GGACT: variants seen among roughly 807,000 people sequenced by gnomAD.
GGACT encodes gamma-glutamylamine cyclotransferase, also known as gamma-glutamylaminecyclotransferase.
For synonymous variants in GGACT, 118 were observed against 115.3 expected (o/e 1.02, Z -0.15); for missense variants, 241 against 233.2 (o/e 1.03, Z -0.22).
At chr13:100,579,011 C>T (rs1875333917) in intron 2 of GGACT, 1 of 152,160 alleles carries the variant, frequency 6.6e-6, no homozygotes, top group Non-Finnish European at 1.5e-5. Flanking sequence ...AGTATTCCCG[C>T]ATATACTCTT....
intron 2 of GGACT, chr13:100,538,567 T>C (rs1057181884): frequency 6.6e-6 from 1 of 152,230 alleles, no homozygotes; most frequent in Non-Finnish European, 1.5e-5. Flanking sequence ...TGAAACTTTG[T>C]ACCCATTAAA....
chr13:100,544,353 CG>C lies in GGACT; in HGVS notation c.-10-11753del, dbSNP rs1195496628. Among the ~76,000 whole-genome samples, 5 of 152,222 alleles carry C rather than the reference CG, an allele frequency of 3.3e-5. 1 individual carries two copies. The highest frequency in any genetic ancestry group is 3.3e-4 in the Admixed American group (5 of 15,284). On this transcript the variant is annotated intron_variant, in intron 2 of 2. Coordinates refer to ENST00000683975, the MANE Select transcript of GGACT (RefSeq NM_001195087.2). Reference sequence around the variant, plus strand: ...TAAGGTCACTCTTCCCCGCGCGGCTCGGGGCAACGTGCCAGGGAGGGCTCGG... The same window carrying C: ...TAAGGTCACTCTTCCCCGCGCGGCTCGGGCAACGTGCCAGGGAGGGCTCGG...
chr13:100,550,417 TACACACACACAC>T (rs61669253), intron 2 of GGACT, among the ~76,000 whole-genome samples: 47 of 72,496 alleles, frequency 6.5e-4, no homozygotes, highest in African/African-American at 1.7e-3. Flanking sequence ...GATTATACTC[TACACACACACAC>T]ACACACACAC....
intron 2 of GGACT, among the ~76,000 whole-genome samples, chr13:100,544,225 C>T (rs1001921015): frequency 2.0e-5 from 3 of 152,214 alleles, no homozygotes; most frequent in African/African-American, 7.2e-5. Context: ...TATAGTTACA[C>T]ATTAATTCTT....
At chr13:100,576,215 A>T (rs1201751297) in intron 2 of GGACT, among the ~76,000 whole-genome samples, 1 of 152,204 alleles carries the variant, frequency 6.6e-6, no homozygotes, top group African/African-American at 2.4e-5. Context: ...TTAAAAACAA[A>T]TTTTTGTAAT....
At chr13:100,539,722 T>G in intron 2 of GGACT, 1 of 608,214 alleles carries the variant, frequency 1.6e-6, no homozygotes. Context: ...GAAATGTTCC[T>G]TCTTCTTCAT....
chr13:100,570,416 AG>A (rs959098196), intron 2 of GGACT, among the ~76,000 whole-genome samples: 3 of 152,202 alleles, frequency 2.0e-5, no homozygotes, highest in Non-Finnish European at 4.4e-5. Flanking sequence ...TGCCCCATGA[AG>A]GGGGAAGCCC....
chr13:100,553,478 C>T (rs560590524), intron 2 of GGACT, among the ~76,000 whole-genome samples: 8 of 152,276 alleles, frequency 5.3e-5, no homozygotes, highest in Non-Finnish European at 1.0e-4. Context: ...AACACGATGG[C>T]ATTCACCATG....
chr13:100,568,190 C>T (rs764053074), intron 2 of GGACT, among the ~76,000 whole-genome samples: 4 of 152,240 alleles, frequency 2.6e-5, no homozygotes, highest in Admixed American at 1.3e-4. Flanking sequence ...ACCAATCCCA[C>T]TTTTTATATT....
chr13:100,553,002 G>A (rs2088679175), intron 2 of GGACT, among the ~76,000 whole-genome samples: 1 of 152,098 alleles, frequency 6.6e-6, no homozygotes, highest in Admixed American at 6.5e-5. Flanking sequence ...GGAGGGGAGG[G>A]GGACCTGAGC....
At chr13:100,567,511 C>T (rs574238400) in intron 2 of GGACT, among the ~76,000 whole-genome samples, 1 of 152,316 alleles carries the variant, frequency 6.6e-6, no homozygotes, top group East Asian at 1.9e-4. Context: ...GGCATCAGCC[C>T]TCTCTCCAAG....
At chr13:100,579,903 C>A (rs1875363730) in intron 2 of GGACT, 1 of 152,304 alleles carries the variant, frequency 6.6e-6, no homozygotes, top group African/African-American at 2.4e-5. Flanking sequence ...AGGGATCACC[C>A]CCTTTCTGCC....
rs147710327 is a variant in GGACT at position 100,543,197 on chromosome 13, C to CTTTTTTTTTTTTTTTTTTTT, written c.-10-10616_-10-10597dup. On this transcript the variant is annotated intron_variant, in intron 2 of 2. Transcript: ENST00000683975. ...CAAAAGGATTTTAAAAAGACACCAG[C>CTTTTTTTTTTTTTTTTTTTT]TTTTTTTTTTTTTTTTTTTTTTTTT... Among the ~76,000 whole-genome samples the CTTTTTTTTTTTTTTTTTTTT allele has an allele frequency of 7.2e-5, 5 of 69,902 alleles. 1 individual carries two copies. Among genetic ancestry groups the CTTTTTTTTTTTTTTTTTTTT allele is most frequent in the African/African-American group, 3.1e-4 (5 of 16,184 alleles). The allele number at this position is 69,902 out of a possible 152,430, so 45.9% of individuals were successfully genotyped here.
At chr13:100,565,556 G>T (rs946200307) in intron 2 of GGACT, among the ~76,000 whole-genome samples, 1 of 152,170 alleles carries the variant, frequency 6.6e-6, no homozygotes, top group East Asian at 1.9e-4. Context: ...TGCAGAAGCT[G>T]GTTTCTAACC....
intron 1 of GGACT, among the ~76,000 whole-genome samples, chr13:100,586,338 A>G (rs1042321328): frequency 1.4e-4 from 22 of 152,194 alleles, no homozygotes; most frequent in African/African-American, 5.3e-4. Context: ...TTTGATGGAT[A>G]TATGGAAATT....
At chr13:100,553,799 G>A (rs544926272) in intron 2 of GGACT, among the ~76,000 whole-genome samples, 5 of 148,600 alleles carry the variant, frequency 3.4e-5, no homozygotes, top group East Asian at 2.0e-4. Flanking sequence ...AGCCAAGATC[G>A]CGCCACTGCA....
intron 2 of GGACT, among the ~76,000 whole-genome samples, chr13:100,552,127 T>C (rs1186468056): frequency 6.6e-6 from 1 of 152,298 alleles, no homozygotes; most frequent in African/African-American, 2.4e-5. Context: ...TGGTGGAAAC[T>C]TGCCCTGTGA....
rs1024336966 is a variant in GGACT, at chr13:100,576,377, G to A, written c.-11+7448C>T. 2.0e-5 allele frequency among the ~76,000 whole-genome samples: 3 copies of A among 152,196 alleles called. No individual in the cohort carries two copies. In the East Asian group the frequency reaches 5.8e-4, roughly 29 times the overall value. On this transcript the variant is annotated intron_variant, in intron 2 of 2. Transcript: ENST00000683975. ...CAAAGCAGTACAGGCATGGTGGAAA[G>A]TGTCTTATAAAATTAAATCTAGAAC...
chr13:100,546,374 A>AAAAG (rs2088604683), intron 2 of GGACT, among the ~76,000 whole-genome samples: 1 of 151,848 alleles, frequency 6.6e-6, no homozygotes, highest in African/African-American at 2.4e-5. Flanking sequence ...AAAAAAAAAA[A>AAAAG]AAAAAAAAAA....
Sources: allele counts gnomAD v4.1 joint callset (sites outside exome capture counted in the v4.1 genomes callset), GRCh38; gene constraint gnomAD v4.1.1; transcripts MANE v1.5; gene names NCBI Gene and HGNC (gene_info 2026-07-23, HGNC 2026-07-21).